Variants in LSM14A observed in about 807,000 individuals in gnomAD.
The protein encoded by LSM14A is LSM14A mRNA processing body assembly factor, also known as protein LSM14 homolog A.
In LSM14A, 14 loss-of-function variants were observed where a neutral mutation model predicts 52.4. The observed-to-expected ratio is 0.27, with a 90% CI of 0.18 to 0.42. The LOEUF (loss-of-function observed/expected upper bound fraction) is 0.42. Among genes scored for constraint, LSM14A ranks in the 10% least tolerant of loss-of-function variants. The pLI is 1.00. For missense variants in LSM14A, 417 were observed against 581.8 expected (o/e 0.72, Z 2.91); for synonymous variants, 185 against 200.3 (o/e 0.92, Z 0.64).
At chr19:34,178,771 T>G (rs967206564) in intron 1 of LSM14A, among the ~76,000 whole-genome samples, 2 of 152,246 alleles carry the variant, frequency 1.3e-5, no homozygotes, top group Non-Finnish European at 2.9e-5. Context: ...TAAATTATCC[T>G]GCCTCACATT....
At chr19:34,211,682 A>G (rs932786688) in intron 4 of LSM14A, among the ~76,000 whole-genome samples, 2 of 151,972 alleles carry the variant, frequency 1.3e-5, no homozygotes, top group Admixed American at 1.3e-4. Flanking sequence ...CTAGCTACTC[A>G]AGAGGCTGAG....
chr19:34,183,319 G>C (rs560472499), intron 1 of LSM14A, among the ~76,000 whole-genome samples: 1 of 152,108 alleles, frequency 6.6e-6, no homozygotes, highest in South Asian at 2.1e-4. Flanking sequence ...TTGGGAGGCC[G>C]AGGCGGGCGG....
chr19:34,212,449 G>A (rs1452999126), intron 4 of LSM14A, among the ~76,000 whole-genome samples: 1 of 152,002 alleles, frequency 6.6e-6, no homozygotes. Flanking sequence ...CTCATACTGA[G>A]CACCAAAAAA....
At position 34,172,530 on chromosome 19, in the gene LSM14A, G is replaced by T. The variant is rs951231853; in HGVS notation, c.-113G>T. 8.3e-7 allele frequency: 1 copy of T among 1,210,368 alleles called. No homozygotes were observed. The highest frequency in any genetic ancestry group is 3.2e-5 in the East Asian group (1 of 30,778). 75.0% of individuals were successfully genotyped at this position (1,210,368 alleles called of 1,614,324 possible). A position where few individuals can be genotyped will look rare whatever the true frequency, so the allele number is the denominator to read the frequency against. On this transcript the variant is annotated 5_prime_UTR_variant, in exon 1 of 10. Transcript: ENST00000544216. ...GCGGAGCCGGCGCCGCCGCCATGTTGGGTCTGAAGCGGCTGCTGTAGGCGC... is the reference window on the plus strand; with the variant it reads ...GCGGAGCCGGCGCCGCCGCCATGTTTGGTCTGAAGCGGCTGCTGTAGGCGC...
chr19:34,225,300 C>T (rs1331559181), intron 9 of LSM14A, among the ~76,000 whole-genome samples: 1 of 152,106 alleles, frequency 6.6e-6, no homozygotes, highest in African/African-American at 2.4e-5. Context: ...ACTAGAGCCC[C>T]GAACCCAGCA....
At chr19:34,217,810 T>G (rs2072764240) in intron 6 of LSM14A, among the ~76,000 whole-genome samples, 1 of 150,980 alleles carries the variant, frequency 6.6e-6, no homozygotes, top group African/African-American at 2.4e-5. Flanking sequence ...ATTTGACTCA[T>G]TATATTTTAC....
chr19:34,192,319 G>GTTGTTGTTT (rs60512063), intron 1 of LSM14A, among the ~76,000 whole-genome samples: 25 of 53,410 alleles, frequency 4.7e-4, no homozygotes, highest in African/African-American at 1.6e-3. Context: ...TCTTTTTGTT[G>GTTGTTGTTT]TTTTTTTTTT....
At chr19:34,203,468 G>C (rs1190841188) in intron 3 of LSM14A, among the ~76,000 whole-genome samples, 1 of 152,098 alleles carries the variant, frequency 6.6e-6, no homozygotes, top group Admixed American at 6.6e-5. Context: ...ATAAAGCCAG[G>C]GGGGTGTTTC....
chr19:34,192,088 T>G (rs1161430969), intron 1 of LSM14A, among the ~76,000 whole-genome samples: 1 of 152,138 alleles, frequency 6.6e-6, no homozygotes, highest in Non-Finnish European at 1.5e-5. Flanking sequence ...TAACTCATTC[T>G]GTACCTGAAT....
chr19:34,209,057 C>CTA lies in LSM14A; in HGVS notation c.538+8_538+9dup, dbSNP rs772373736. The CTA allele has an allele frequency of 6.4e-7, 1 of 1,556,000 alleles. No homozygotes were observed. The highest frequency in any genetic ancestry group is 8.7e-7 in the Non-Finnish European group (1 of 1,149,986). The stretch of plus-strand genomic sequence containing the variant: ...AAAAACACAGTTATCTCAAGGTAAG[C>CTA]TATCTCATCCCTAAAATATTTCCAT... On this transcript the variant is annotated splice_region_variant and intron_variant, in intron 4 of 9. Transcript: ENST00000544216.
intron 8 of LSM14A, 75 bp from the exon 9 acceptor site, chr19:34,221,432 A>G: frequency 1.4e-6 from 2 of 1,460,520 alleles, no homozygotes; most frequent in Non-Finnish European, 1.9e-6. Flanking sequence ...TTAATTTGGG[A>G]GTAGCACTGC....
In LSM14A at chr19:34,217,611, C is replaced by G. The variant is rs1043785650; in HGVS notation, c.782-1780C>G. ...ATATATATATATTTTTATATCCCCC[C>G]CCCCCGTGTTTTTTTTTTTTTTTTT... is the stretch of plus-strand genomic sequence containing the variant. On this transcript the variant is annotated intron_variant, in intron 6 of 9. Coordinates refer to ENST00000544216, the MANE Select transcript of LSM14A (RefSeq NM_015578.4). Among the ~76,000 whole-genome samples, 8 of 55,082 alleles carry G rather than the reference C, an allele frequency of 1.5e-4. 1 individual carries two copies. Among genetic ancestry groups the G allele is most frequent in the Admixed American group, 1.3e-3 (7 of 5,200 alleles). The allele number at this position is 55,082 out of a possible 152,430, so 36.1% of individuals were successfully genotyped here. A position where few individuals can be genotyped will look rare whatever the true frequency, so the allele number is the denominator to read the frequency against.
At chr19:34,178,554 C>G (rs1351321952) in intron 1 of LSM14A, among the ~76,000 whole-genome samples, 2 of 152,176 alleles carry the variant, frequency 1.3e-5, no homozygotes, top group African/African-American at 4.8e-5. Flanking sequence ...TACACTTAAT[C>G]TTCTTTGCTT....
rs1568506305 is a variant in LSM14A at position 34,227,346 on chromosome 19, A to AT, written c.1369-10dup. The AT allele has an allele frequency of 2.6e-4, 396 of 1,548,404 alleles. No individual in the cohort carries two copies. The highest frequency in any genetic ancestry group is 2.9e-4 in the Non-Finnish European group (333 of 1,135,860). ...ACCAATAATTTGGAACATGAGCTAAATTTTTTTTTCTTTTTTAGAAAGACA... is the reference window on the plus strand; with the variant it reads ...ACCAATAATTTGGAACATGAGCTAAATTTTTTTTTTCTTTTTTAGAAAGACA... On this transcript the variant is annotated intron_variant, in intron 9 of 9. Coordinates refer to ENST00000544216, the MANE Select transcript of LSM14A (RefSeq NM_015578.4).
At chr19:34,183,505 C>G (rs1175320731) in intron 1 of LSM14A, among the ~76,000 whole-genome samples, 1 of 151,804 alleles carries the variant, frequency 6.6e-6, no homozygotes, top group East Asian at 1.9e-4. Context: ...GAGCTGAGAT[C>G]GTGCTATTGC....
intron 1 of LSM14A, among the ~76,000 whole-genome samples, chr19:34,173,311 C>T (rs958251546): frequency 1.3e-5 from 2 of 152,200 alleles, no homozygotes; most frequent in Non-Finnish European, 2.9e-5. Flanking sequence ...ATCCCATCTC[C>T]CTCGGCTCAT....
intron 4 of LSM14A, among the ~76,000 whole-genome samples, chr19:34,213,445 A>T (rs2072319291): frequency 6.6e-6 from 1 of 152,238 alleles, no homozygotes; most frequent in Non-Finnish European, 1.5e-5. Flanking sequence ...TATTACTAAT[A>T]AATTATCCCT....
At chr19:34,218,251 G>A (rs926410278) in intron 6 of LSM14A, among the ~76,000 whole-genome samples, 3 of 152,076 alleles carry the variant, frequency 2.0e-5, no homozygotes, top group Admixed American at 6.5e-5. Flanking sequence ...TGATCCGCCC[G>A]CCCCGGCCTC....
intron 3 of LSM14A, among the ~76,000 whole-genome samples, chr19:34,204,234 C>G (rs1048524874): frequency 6.6e-6 from 1 of 152,046 alleles, no homozygotes; most frequent in Admixed American, 6.6e-5. Flanking sequence ...AAATGCTGGA[C>G]CATAAAATAA....
Sources: gnomAD v4.1 joint callset for allele counts (sites outside exome capture counted in the v4.1 genomes callset) on GRCh38, gnomAD v4.1.1 for gene constraint, MANE v1.5 for transcripts, NCBI Gene and HGNC (gene_info 2026-07-23, HGNC 2026-07-21) for gene names.